Variants in BNC2 observed in about 807,000 individuals in gnomAD.
BNC2 encodes basonuclin zinc finger protein 2.
A neutral mutation model predicts 76.3 loss-of-function variants in BNC2; 20 were observed. The observed-to-expected ratio is 0.26, with a 90% CI of 0.18 to 0.38. BNC2 has a LOEUF of 0.38. Among genes scored for constraint, BNC2 ranks in the 10% least tolerant of loss-of-function variants. The pLI, the probability that BNC2 is intolerant of heterozygous loss-of-function variation, is 1.00. For synonymous variants in BNC2, 582 were observed against 514.8 expected (o/e 1.13, Z -1.77); for missense variants, 1,382 against 1,399.8 (o/e 0.99, Z 0.20).
chr9:16,744,305 C>T (rs4961748), intron 1 of BNC2, among the ~76,000 whole-genome samples: 142,391 of 152,044 alleles, frequency 0.94, 66,758 homozygotes, highest in East Asian at 0.99. Flanking sequence ...ATATTTTATG[C>T]TGGTATGAAA....
Position 16,419,306 on chromosome 9 carries a change from C to T in BNC2, c.2983G>A (p.Gly995Arg), listed in dbSNP as rs143124811. Residue 995 changes from glycine to arginine, a missense_variant, in exon 7 of 7, where the codon GGG becomes AGG. By Grantham distance (125) the Gly-to-Arg change is moderately radical. This residue lies in a region of BNC2 where 798 missense variants were observed against 775.5 expected (regional missense o/e 1.03). Transcript: ENST00000380672. ...DEGILLDDID[G>R]ASDSGESAHK... Reference sequence around the variant, plus strand: ...GCCGACTCCCCACTGTCACTCGCCCCGTCAATGTCATCGAGAAGAATCCCC... The same window carrying T: ...GCCGACTCCCCACTGTCACTCGCCCTGTCAATGTCATCGAGAAGAATCCCC... 2.0e-5 allele frequency: 32 copies of T among 1,613,658 alleles called. No homozygotes were observed. In the African/African-American group the frequency reaches 2.0e-4, roughly 10 times the overall value.
chr9:16,755,667 T>C (rs550523026), intron 1 of BNC2, among the ~76,000 whole-genome samples: 1 of 152,110 alleles, frequency 6.6e-6, no homozygotes, highest in East Asian at 1.9e-4. Context: ...CCACTATGAA[T>C]GCACTCCTGT....
At chr9:16,629,610 C>T (rs372599029) in intron 3 of BNC2, among the ~76,000 whole-genome samples, 1 of 152,162 alleles carries the variant, frequency 6.6e-6, no homozygotes, top group African/African-American at 2.4e-5. Context: ...TGCAGGCAAA[C>T]ATCGGACGAA....
At chr9:16,631,342 C>T (rs1821154889) in intron 3 of BNC2, among the ~76,000 whole-genome samples, 1 of 152,072 alleles carries the variant, frequency 6.6e-6, no homozygotes, top group South Asian at 2.1e-4. Flanking sequence ...AACCCATACC[C>T]CCACCGAATC....
intron 6 of BNC2, among the ~76,000 whole-genome samples, chr9:16,420,075 A>T (rs1359005052): frequency 6.6e-6 from 1 of 152,210 alleles, no homozygotes; most frequent in Non-Finnish European, 1.5e-5. Flanking sequence ...AATTTACCTA[A>T]AAACAAGAAA....
chr9:16,792,788 A>T (rs974498118), intron 1 of BNC2, among the ~76,000 whole-genome samples: 1 of 152,262 alleles, frequency 6.6e-6, no homozygotes, highest in African/African-American at 2.4e-5. Flanking sequence ...TGACATTTTC[A>T]GTAACACTGA....
intron 3 of BNC2, among the ~76,000 whole-genome samples, chr9:16,637,017 C>A (rs552868917): frequency 5.4e-4 from 82 of 151,762 alleles, no homozygotes; most frequent in African/African-American, 1.7e-3. Context: ...TAAGAGTAAA[C>A]CCTGCTGTGG....
chr9:16,458,049 G>A (rs982306272), intron 5 of BNC2, among the ~76,000 whole-genome samples: 11 of 152,252 alleles, frequency 7.2e-5, no homozygotes, highest in African/African-American at 2.6e-4. Flanking sequence ...CTTTATTTGA[G>A]CACAGAGAGG....
intron 3 of BNC2, among the ~76,000 whole-genome samples, chr9:16,706,779 G>A (rs1823687046): frequency 6.6e-6 from 1 of 152,212 alleles, no homozygotes; most frequent in South Asian, 2.1e-4. Flanking sequence ...TAAAAAAAAG[G>A]AATTATACTT....
At chr9:16,665,390 G>GAGAC (rs1822245427) in intron 3 of BNC2, among the ~76,000 whole-genome samples, 1 of 136,652 alleles carries the variant, frequency 7.3e-6, no homozygotes. Context: ...AAAAAAAAGA[G>GAGAC]AGAGAGAGAG....
chr9:16,794,433 C>G (rs1817592419), intron 1 of BNC2, among the ~76,000 whole-genome samples: 1 of 152,192 alleles, frequency 6.6e-6, no homozygotes, highest in African/African-American at 2.4e-5. Flanking sequence ...CACCCCCAGC[C>G]ACCTGGGAAG....
chr9:16,788,507 G>C lies in BNC2; in HGVS notation c.4-50022C>G, dbSNP rs576426955. Among the ~76,000 whole-genome samples the C allele has an allele frequency of 8.8e-3, 1,287 of 145,916 alleles. 5 individuals are homozygous for C. The highest frequency in any genetic ancestry group is 0.015 in the Middle Eastern group (4 of 264). ...GGCGGAGCTTGCAGTGAGCCGAGATGACGCCACTGCACTCCACCCTGGGCG... is the reference window on the plus strand; with the variant it reads ...GGCGGAGCTTGCAGTGAGCCGAGATCACGCCACTGCACTCCACCCTGGGCG... On this transcript the variant is annotated intron_variant, in intron 1 of 6. Transcript: ENST00000380672.
intron 3 of BNC2, among the ~76,000 whole-genome samples, chr9:16,633,971 C>A (rs1318174727): frequency 6.6e-6 from 1 of 152,178 alleles, no homozygotes; most frequent in Non-Finnish European, 1.5e-5. Flanking sequence ...AAAGATAAAA[C>A]TGTCACAATC....
intron 1 of BNC2, among the ~76,000 whole-genome samples, chr9:16,853,446 T>C (rs1322548770): frequency 6.6e-6 from 1 of 151,724 alleles, no homozygotes; most frequent in Admixed American, 6.6e-5. Context: ...TCATTTTAAC[T>C]AGTTCTTTGA....
At chr9:16,668,333 A>C (rs1822362546) in intron 3 of BNC2, among the ~76,000 whole-genome samples, 1 of 152,208 alleles carries the variant, frequency 6.6e-6, no homozygotes, top group Admixed American at 6.5e-5. Flanking sequence ...TCGATGTGTT[A>C]ATTAAGTATC....
At chr9:16,421,136 C>A in intron 6 of BNC2, 1 of 407,736 alleles carries the variant, frequency 2.5e-6, no homozygotes, top group South Asian at 4.5e-5. Context: ...AGGTATGTGC[C>A]TCAGAGACAA....
chr9:16,751,076 C>A (rs1193576321), intron 1 of BNC2, among the ~76,000 whole-genome samples: 2 of 152,074 alleles, frequency 1.3e-5, no homozygotes, highest in African/African-American at 4.8e-5. Context: ...TATCTGTCAT[C>A]CCAGAATTAT....
intron 1 of BNC2, among the ~76,000 whole-genome samples, chr9:16,765,810 G>A (rs1278507058): frequency 1.3e-5 from 2 of 149,072 alleles, no homozygotes; most frequent in Non-Finnish European, 3.0e-5. Flanking sequence ...TTTCTGAGAC[G>A]GAGTCTAGCT....
chr9:16,575,467 GAGGC>G (rs1241180432), intron 4 of BNC2: 2 of 984,684 alleles, frequency 2.0e-6, no homozygotes, highest in Admixed American at 1.2e-4. Flanking sequence ...CTTTGAAGGG[GAGGC>G]ACTGTTTGCG....
Sources: allele counts gnomAD v4.1 joint callset (sites outside exome capture counted in the v4.1 genomes callset), GRCh38; gene constraint gnomAD v4.1.1; regional missense constraint gnomAD v4.1.1; transcripts MANE v1.5; gene names NCBI Gene and HGNC (gene_info 2026-07-23, HGNC 2026-07-21).